Variants in CYP17A1 observed in about 807,000 individuals in gnomAD.
CYP17A1 encodes the protein steroid 17-alpha-hydroxylase/17,20 lyase.
Under a neutral mutation model 38.5 loss-of-function variants are expected in CYP17A1, and 27 were observed. That is an observed-to-expected ratio of 0.70 (90% confidence interval 0.52 to 0.97). The LOEUF (loss-of-function observed/expected upper bound fraction) is 0.97. CYP17A1 is among the 50% of genes least tolerant of loss of function. The probability of loss-of-function intolerance (pLI) is 0.00; values close to 1 mark genes in which losing one functional copy is unlikely to be tolerated. For synonymous variants in CYP17A1, 263 were observed against 253.3 expected (o/e 1.04, Z -0.36); for missense variants, 549 against 645.9 (o/e 0.85, Z 1.63).
At position 102,834,211 on chromosome 10, in the gene CYP17A1, T is replaced by A. The variant is rs906148507; in HGVS notation, c.667-89A>T. The A allele has an allele frequency of 8.0e-5, 60 of 753,296 alleles. No individual in the cohort carries two copies. The African/African-American group carries it at 9.8e-4, about 12-fold the overall frequency. The allele number at this position is 753,296 out of a possible 1,614,324, so 46.7% of individuals were successfully genotyped here. On this transcript the variant is annotated intron_variant, in intron 3 of 7. Coordinates refer to ENST00000369887, the MANE Select transcript of CYP17A1 (RefSeq NM_000102.4). ...TCTCTCCTGGAGGCGGATCTTAGCT[T>A]TCTGTCTCTGGAAGTTCCTACTCCA...
In CYP17A1 at chr10:102,835,337, C is replaced by T. The variant is rs768546290; in HGVS notation, c.353G>A (p.Gly118Asp). Residue 118 changes from glycine to aspartate, a missense_variant, in exon 2 of 8, where the codon GGC (glycine) becomes GAC (aspartate). Gly to Asp is a moderately conservative substitution (Grantham distance 94). Coordinates refer to ENST00000369887, the MANE Select transcript of CYP17A1 (RefSeq NM_000102.4). ...NRKGIAFADS[G>D]AHWQLHRRLA... ...CCTTCGATGCAGCTGCCAGTGTGCG[C>T]CAGAGTCAGCGAAGGCGATACCCTT... 5.0e-6 allele frequency: 8 copies of T among 1,611,414 alleles called. No homozygotes were observed. The African/African-American group carries it at 9.3e-5, about 19-fold the overall frequency.
intron 1 of CYP17A1, among the ~76,000 whole-genome samples, chr10:102,836,455 CAA>C (rs71019622): frequency 0.031 from 1,932 of 62,458 alleles, 29 homozygotes; most frequent in African/African-American, 0.096. Flanking sequence ...GACTCTGTCT[CAA>C]AAAAAAAAAA....
chr10:102,833,816 T>C, intron 4 of CYP17A1: 1 of 502,066 alleles, frequency 2.0e-6, no homozygotes, highest in Non-Finnish European at 3.6e-6. Context: ...CATCTCGAAC[T>C]CCTGACCTCA....
At chr10:102,831,010 C>T (rs1323772382) in intron 7 of CYP17A1, 25 bp from the exon 8 acceptor site, 1 of 1,523,508 alleles carries the variant, frequency 6.6e-7, no homozygotes, top group Admixed American at 1.9e-5. Context: ...TGGCATCAGC[C>T]AGGGGTTAGG....
chr10:102,834,764 G>A (rs1844137651), intron 3 of CYP17A1, 21 bp downstream of exon 3: 2 of 1,614,122 alleles, frequency 1.2e-6, no homozygotes, highest in Non-Finnish European at 1.7e-6. Flanking sequence ...GAACCTGAAG[G>A]CAGGGCTGGC....
At chr10:102,832,721 GC>G in intron 5 of CYP17A1, 41 bp from the exon 6 acceptor site, 1 of 1,393,650 alleles carries the variant, frequency 7.2e-7, no homozygotes, top group South Asian at 1.2e-5. Context: ...GTGTGTGTAA[GC>G]CCAGGAGAAG....
chr10:102,832,843 C>A, intron 5 of CYP17A1, 150 bp downstream of exon 5: 1 of 1,480,482 alleles, frequency 6.8e-7, no homozygotes, highest in Non-Finnish European at 9.2e-7. Context: ...GGCAGCTCTA[C>A]TCTGGGGTCA....
At chr10:102,836,797 A>T in intron 1 of CYP17A1, 1 of 525,450 alleles carries the variant, frequency 1.9e-6, no homozygotes, top group Non-Finnish European at 3.4e-6. Flanking sequence ...GAGTGGAGTG[A>T]GGATTCCTTG....
intron 4 of CYP17A1, 140 bp downstream of exon 4, chr10:102,833,894 TAA>T: frequency 3.1e-6 from 2 of 649,930 alleles, no homozygotes; most frequent in East Asian, 2.8e-5. Flanking sequence ...GCCCAGCCCT[TAA>T]GTCAGTTTTT....
chr10:102,830,991 G>A lies in CYP17A1; in HGVS notation c.1244-6C>T. Reference sequence around the variant, plus strand: ...CGCTGGATTCAAGAAACGCTCTGCAGGCAAGGAGTGGCATCAGCCAGGGGT... The same window carrying A: ...CGCTGGATTCAAGAAACGCTCTGCAAGCAAGGAGTGGCATCAGCCAGGGGT... On this transcript the variant is annotated splice_region_variant and splice_polypyrimidine_tract_variant and intron_variant, in intron 7 of 7. Transcript: ENST00000369887. The surrounding 1 kb of genome is among the most constrained non-coding windows in gnomAD (Gnocchi z 4.1). The A allele has an allele frequency of 6.4e-7, 1 of 1,555,740 alleles. No homozygotes were observed. The highest frequency in any genetic ancestry group is 8.7e-7 in the Non-Finnish European group (1 of 1,144,078).
intron 5 of CYP17A1, 93 bp from the exon 6 acceptor site, chr10:102,832,773 G>A (rs1844108158): frequency 1.6e-6 from 2 of 1,249,128 alleles, no homozygotes; most frequent in Admixed American, 3.4e-5. Context: ...ATCGAGAAGA[G>A]CCTGTCCAGT....
Position 102,837,053 on chromosome 10 carries a change from G to A in CYP17A1, c.297+12C>T. 2 of 1,532,574 alleles carry A rather than the reference G, an allele frequency of 1.3e-6. No homozygotes were observed. Among genetic ancestry groups the A allele is most frequent in the East Asian group, 4.5e-5 (2 of 44,492 alleles). The allele number at this position is 1,532,574 out of a possible 1,614,324, so 94.9% of individuals were successfully genotyped here. A position where few individuals can be genotyped will look rare whatever the true frequency, so the allele number is the denominator to read the frequency against. ...TGGTGAAGGGGGCAGGGAGGAGATG[G>A]GCACCACTTACCATTTGAGGCCGCC... On this transcript the variant is annotated intron_variant, in intron 1 of 7. Transcript: ENST00000369887.
chr10:102,832,884 G>T, intron 5 of CYP17A1, 109 bp downstream of exon 5: 2 of 1,541,516 alleles, frequency 1.3e-6, no homozygotes. Context: ...AAGGAGCAGG[G>T]CAGGCCTAGT....
chr10:102,837,328 G>GTTA lies in CYP17A1; in HGVS notation c.33_34insTAA (p.Thr11_Leu12insTer). 6.2e-7 allele frequency: 1 copy of GTTA among 1,612,938 alleles called. No individual in the cohort carries two copies. Among genetic ancestry groups the GTTA allele is most frequent in the Non-Finnish European group, 8.5e-7 (1 of 1,178,878 alleles). Reference sequence around the variant, plus strand: ...CTCTTGGGCCAAAACAAATAAGCTAGGGTAAGCAGCAAGAGAGCCACGAGC... The same window carrying GTTA: ...CTCTTGGGCCAAAACAAATAAGCTAGTTAGGTAAGCAGCAAGAGAGCCACGAGC... On this transcript the variant is annotated stop_gained and inframe_insertion, in exon 1 of 8. Transcript: ENST00000369887. LOFTEE classifies it high-confidence loss of function.
At chr10:102,836,732 A>T (rs1414775634) in intron 1 of CYP17A1, 1 of 390,918 alleles carries the variant, frequency 2.6e-6, no homozygotes, top group Non-Finnish European at 4.8e-6. Flanking sequence ...GTGCTAGGCT[A>T]AGTGCTGTAC....
chr10:102,836,302 C>CA (rs2134084901), intron 1 of CYP17A1, among the ~76,000 whole-genome samples: 1 of 151,800 alleles, frequency 6.6e-6, no homozygotes, highest in Non-Finnish European at 1.5e-5. Flanking sequence ...ACTAAAAATA[C>CA]AAAAAATTAG....
chr10:102,836,684 A>G (rs1844166868), intron 1 of CYP17A1: 1 of 245,826 alleles, frequency 4.1e-6, no homozygotes, highest in African/African-American at 2.2e-5. Context: ...GAAAAGTAAC[A>G]TGAATCCTGG....
In CYP17A1 at chr10:102,831,666, G is replaced by T. The variant is rs533031503; in HGVS notation, c.1140-55C>A. 129 of 1,605,308 alleles carry T rather than the reference G, an allele frequency of 8.0e-5. No homozygotes were observed. The African/African-American group carries it at 1.6e-3, about 20-fold the overall frequency. ...TCTGGGACTTCGTACTCCCTTCCTT[G>T]CTCAGCCTCATGCCCCCTCATTCTT... On this transcript the variant is annotated intron_variant, in intron 6 of 7. Transcript: ENST00000369887.
rs2134085511 is a variant in CYP17A1, at chr10:102,837,179, G to A, written c.183C>T (p.Gly61=). Residue 61 remains glycine, a synonymous_variant, in exon 1 of 8, where the codon GGC becomes GGT. Coordinates refer to ENST00000369887, the MANE Select transcript of CYP17A1 (RefSeq NM_000102.4). ...NNFFKLQKKY[G]PIYSVRMGTK... ...TGCCCATACGAACCGAATAGATGGGGCCATATTTTTTCTGCAGCTTGAAGA... is the reference window on the plus strand; with the variant it reads ...TGCCCATACGAACCGAATAGATGGGACCATATTTTTTCTGCAGCTTGAAGA... 2 of 1,597,924 alleles carry A rather than the reference G, an allele frequency of 1.3e-6. No individual in the cohort carries two copies. The highest frequency in any genetic ancestry group is 1.7e-6 in the Non-Finnish European group (2 of 1,165,166).
Sources: gnomAD v4.1 joint callset for allele counts (sites outside exome capture counted in the v4.1 genomes callset) on GRCh38, gnomAD v4.1.1 for gene constraint, Gnocchi (gnomAD v3.1) non-coding constraint, MANE v1.5 for transcripts, NCBI Gene and HGNC (gene_info 2026-07-23, HGNC 2026-07-21) for gene names.